The following ARHGAP6 variants were observed in gnomAD, a reference collection of about 807,000 sequenced individuals.
ARHGAP6 encodes the protein rho GTPase-activating protein 6.
Under a neutral mutation model 55.7 loss-of-function variants are expected in ARHGAP6, and 16 were observed. The observed-to-expected ratio is 0.29, with a 90% confidence interval of 0.19 to 0.44. The LOEUF is 0.44. Among genes scored for constraint, ARHGAP6 ranks in the 20% least tolerant of loss-of-function variants. The pLI, the probability that ARHGAP6 is intolerant of heterozygous loss-of-function variation, is 1.00. For missense variants in ARHGAP6, 698 were observed against 808.9 expected (o/e 0.86, Z 1.66); for synonymous variants, 382 against 360.9 (o/e 1.06, Z -0.66).
chrX:11,500,591 G>T (rs1219549478), intron 1 of ARHGAP6, among the ~76,000 whole-genome samples: 3 of 102,647 alleles, frequency 2.9e-5, no homozygotes, highest in Non-Finnish European at 5.9e-5. Flanking sequence ...AACCTAGGAG[G>T]TGAATGTTTT....
intron 2 of ARHGAP6, among the ~76,000 whole-genome samples, chrX:11,220,189 A>C: frequency 9.0e-6 from 1 of 110,733 alleles, no homozygotes; most frequent in Non-Finnish European, 1.9e-5. Context: ...GTCAAAGATC[A>C]GATAGTTGTA....
chrX:11,141,628 G>C (rs1463844872), intron 12 of ARHGAP6, among the ~76,000 whole-genome samples: 2 of 112,283 alleles, frequency 1.8e-5, no homozygotes, highest in Non-Finnish European at 1.9e-5. Flanking sequence ...ATACTGATGA[G>C]ATTTGCACAC....
intron 1 of ARHGAP6, among the ~76,000 whole-genome samples, chrX:11,432,223 ACTT>A (rs1453044217): frequency 1.8e-5 from 2 of 112,305 alleles, no homozygotes; most frequent in African/African-American, 3.2e-5. Flanking sequence ...ATTATAGCTG[ACTT>A]CTTTTGCTCA....
intron 1 of ARHGAP6, among the ~76,000 whole-genome samples, chrX:11,273,430 G>A (rs191483773): frequency 1.4e-4 from 15 of 108,379 alleles, no homozygotes; most frequent in African/African-American, 4.7e-4. Flanking sequence ...AAAAAAACCA[G>A]TAGACTCAGA....
At chrX:11,466,827 T>C (rs768716857) in intron 1 of ARHGAP6, among the ~76,000 whole-genome samples, 1 of 111,972 alleles carries the variant, frequency 8.9e-6, no homozygotes, top group African/African-American at 3.2e-5. Context: ...TTAAAGTACA[T>C]GTCTATATAT....
chrX:11,143,459 G>A (rs1323819959), intron 11 of ARHGAP6: 1 of 614,696 alleles, frequency 1.6e-6, no homozygotes, highest in Non-Finnish European at 2.0e-6. Flanking sequence ...ATCGCTCACT[G>A]GAGATCCTGC....
chrX:11,652,187 T>C (rs146872302), intron 1 of ARHGAP6, among the ~76,000 whole-genome samples: 15 of 112,550 alleles, frequency 1.3e-4, no homozygotes, highest in Non-Finnish European at 2.6e-4. Context: ...GTCTTTGTCA[T>C]GAAATCTTTG....
chrX:11,655,105 C>T (rs2052624141), intron 1 of ARHGAP6, among the ~76,000 whole-genome samples: 2 of 111,879 alleles, frequency 1.8e-5, no homozygotes, highest in South Asian at 3.7e-4. Context: ...TATGGATTTG[C>T]CTATTCTAGA....
In ARHGAP6 at chrX:11,386,856, C is replaced by T. The variant is rs760135469; in HGVS notation, c.589-132149G>A. On this transcript the variant is annotated intron_variant, in intron 1 of 12. Coordinates refer to ENST00000337414, the MANE Select transcript of ARHGAP6 (RefSeq NM_013427.3). ...TGGTGGTAAACATAGACAGGAACTG[C>T]GTATAATGATTTGCTGGCAAAGGAA... Among the ~76,000 whole-genome samples the T allele has an allele frequency of 2.2e-4, 25 of 111,556 alleles. No homozygotes were observed. In the South Asian group the frequency reaches 9.5e-3, roughly 42 times the overall value.
chrX:11,622,077 A>G (rs773077189), intron 1 of ARHGAP6, among the ~76,000 whole-genome samples: 45 of 112,384 alleles, frequency 4.0e-4, no homozygotes, highest in African/African-American at 1.4e-3. Context: ...ATTACAAAAT[A>G]TAAAACATTA....
At chrX:11,174,558 C>CTT (rs1569241008) in intron 8 of ARHGAP6, among the ~76,000 whole-genome samples, 3 of 82,547 alleles carry the variant, frequency 3.6e-5, no homozygotes, top group African/African-American at 8.7e-5. Flanking sequence ...TCCTTCCTTC[C>CTT]TTCCTTCCTT....
chrX:11,322,210 T>A (rs1019027841), intron 1 of ARHGAP6, among the ~76,000 whole-genome samples: 26 of 111,867 alleles, frequency 2.3e-4, no homozygotes, highest in African/African-American at 8.5e-4. Context: ...TTGTGGTGGG[T>A]GTTGCTGTCC....
intron 11 of ARHGAP6, chrX:11,143,527 G>A (rs2045647579): frequency 3.7e-6 from 3 of 817,598 alleles, no homozygotes; most frequent in Non-Finnish European, 4.4e-6. Flanking sequence ...CTTGTCATTG[G>A]ATACTAACAC....
chrX:11,386,577 G>A (rs2049330768), intron 1 of ARHGAP6, among the ~76,000 whole-genome samples: 1 of 111,373 alleles, frequency 9.0e-6, no homozygotes, highest in Admixed American at 9.6e-5. Flanking sequence ...GACATGAGGT[G>A]TCACATTTAA....
intron 1 of ARHGAP6, among the ~76,000 whole-genome samples, chrX:11,358,453 CTT>C (rs1449105498): frequency 4.6e-5 from 4 of 87,641 alleles, no homozygotes; most frequent in Non-Finnish European, 8.8e-5. Context: ...TTCTTTCTTT[CTT>C]TCTTTCTTTC....
intron 1 of ARHGAP6, among the ~76,000 whole-genome samples, chrX:11,281,290 A>T (rs1472173932): frequency 9.0e-6 from 1 of 111,167 alleles, no homozygotes; most frequent in Non-Finnish European, 1.9e-5. Context: ...AGTCCAAGGG[A>T]TCCCTGTGAG....
chrX:11,529,644 T>G (rs2051027669), intron 1 of ARHGAP6, among the ~76,000 whole-genome samples: 1 of 111,729 alleles, frequency 9.0e-6, no homozygotes, highest in African/African-American at 3.2e-5. Flanking sequence ...AAACATAGGC[T>G]CTTGAAATGG....
chrX:11,505,982 G>T (rs774640762), intron 1 of ARHGAP6, among the ~76,000 whole-genome samples: 1 of 110,696 alleles, frequency 9.0e-6, no homozygotes, highest in Non-Finnish European at 1.9e-5. Flanking sequence ...ACAACAAACC[G>T]CTATAACAAG....
At chrX:11,527,855 C>T (rs547888027) in intron 1 of ARHGAP6, among the ~76,000 whole-genome samples, 2 of 112,171 alleles carry the variant, frequency 1.8e-5, no homozygotes, top group Middle Eastern at 4.6e-3. Flanking sequence ...GAATTTTCAA[C>T]CTTATTTTGC....
Sources: gnomAD v4.1 joint callset for allele counts (sites outside exome capture counted in the v4.1 genomes callset) on GRCh38, gnomAD v4.1.1 for gene constraint, MANE v1.5 for transcripts, NCBI Gene and HGNC (gene_info 2026-07-23, HGNC 2026-07-21) for gene names.